ITGB5: variants seen among roughly 807,000 people sequenced by gnomAD.
ITGB5 encodes integrin beta-5.
A neutral mutation model predicts 84.8 loss-of-function variants in ITGB5; 38 were observed. The ratio of observed to expected loss-of-function variants is 0.45; its 90% CI spans 0.35 to 0.59. ITGB5 has a LOEUF of 0.59. ITGB5 is among the 20% of genes least tolerant of loss of function. The pLI is 0.01. For synonymous variants in ITGB5, 393 were observed against 414.4 expected (o/e 0.95, Z 0.63); for missense variants, 905 against 1,034.5 (o/e 0.87, Z 1.72).
intron 1 of ITGB5, among the ~76,000 whole-genome samples, chr3:124,900,012 AT>A (rs1370506972): frequency 6.6e-6 from 1 of 152,184 alleles, no homozygotes; most frequent in African/African-American, 2.4e-5. Flanking sequence ...AATAAAGGCC[AT>A]TAACCTGAGA....
chr3:124,860,788 C>A (rs988928384), intron 2 of ITGB5, among the ~76,000 whole-genome samples: 1 of 152,220 alleles, frequency 6.6e-6, no homozygotes, highest in African/African-American at 2.4e-5. Flanking sequence ...ATCCCTTGAC[C>A]ACTTTGTTAG....
chr3:124,830,705 C>T (rs918305993), intron 5 of ITGB5, among the ~76,000 whole-genome samples: 6 of 152,154 alleles, frequency 3.9e-5, no homozygotes, highest in South Asian at 2.1e-4. Context: ...CTTCCTTGGC[C>T]GGGCACGGTG....
At position 124,879,304 on chromosome 3, in the gene ITGB5, T is replaced by C. The variant is rs369163481; in HGVS notation, c.71-5773A>G. 3.3e-5 allele frequency among the ~76,000 whole-genome samples: 5 copies of C among 152,284 alleles called. No homozygotes were observed. The East Asian group carries it at 5.8e-4, about 18-fold the overall frequency. On this transcript the variant is annotated intron_variant, in intron 1 of 14. Coordinates refer to ENST00000296181, the MANE Select transcript of ITGB5 (RefSeq NM_002213.5). ...CTACTACTAAAACATACATCTGCAG[T>C]TGGAATTTCCTGATCCAAAATATTC... is the stretch of plus-strand genomic sequence containing the variant.
intron 5 of ITGB5, among the ~76,000 whole-genome samples, chr3:124,834,584 A>G (rs2064905686): frequency 1.1e-5 from 1 of 92,110 alleles, no homozygotes; most frequent in African/African-American, 4.4e-5. Context: ...GAAGGAAGGA[A>G]AGAAGGAAGG....
At chr3:124,846,183 C>T (rs1442621186) in intron 4 of ITGB5, among the ~76,000 whole-genome samples, 1 of 152,146 alleles carries the variant, frequency 6.6e-6, no homozygotes, top group African/African-American at 2.4e-5. Flanking sequence ...CCTATGCCAC[C>T]AGCACACTAA....
intron 12 of ITGB5, among the ~76,000 whole-genome samples, chr3:124,768,360 A>G (rs1191321365): frequency 2.6e-5 from 4 of 152,212 alleles, no homozygotes; most frequent in Admixed American, 6.5e-5. Context: ...CTAATTCTGA[A>G]TATTTCCATC....
At chr3:124,867,202 A>G (rs1248678893) in intron 2 of ITGB5, among the ~76,000 whole-genome samples, 2 of 151,304 alleles carry the variant, frequency 1.3e-5, no homozygotes, top group Admixed American at 6.6e-5. Flanking sequence ...CCATGCATCC[A>G]TGGCCTCACT....
At chr3:124,778,868 C>G (rs761761116) in intron 10 of ITGB5, among the ~76,000 whole-genome samples, 5 of 151,210 alleles carry the variant, frequency 3.3e-5, no homozygotes, top group Non-Finnish European at 5.9e-5. Flanking sequence ...GATGCTGAAG[C>G]CTTAAGTTCC....
At chr3:124,835,633 T>G (rs2064924462) in intron 5 of ITGB5, among the ~76,000 whole-genome samples, 1 of 152,184 alleles carries the variant, frequency 6.6e-6, no homozygotes, top group Non-Finnish European at 1.5e-5. Flanking sequence ...GCAGAACATG[T>G]GGCGGGTCCC....
intron 10 of ITGB5, among the ~76,000 whole-genome samples, chr3:124,782,759 G>C (rs1244106162): frequency 6.6e-6 from 1 of 152,130 alleles, no homozygotes; most frequent in East Asian, 1.9e-4. Context: ...TCAGAAGGCT[G>C]AGGCAGAAAA....
chr3:124,891,810 T>C (rs538575515), upstream of ITGB5, among the ~76,000 whole-genome samples: 20 of 151,808 alleles, frequency 1.3e-4, no homozygotes, highest in South Asian at 4.2e-3. Context: ...TAGTCCCAGC[T>C]ACTTGGGAGG....
intron 9 of ITGB5, among the ~76,000 whole-genome samples, chr3:124,805,497 G>A (rs905482757): frequency 2.6e-5 from 4 of 151,796 alleles, no homozygotes; most frequent in Non-Finnish European, 5.9e-5. Context: ...TGTTATCTAT[G>A]CTAGAATACA....
intron 3 of ITGB5, among the ~76,000 whole-genome samples, chr3:124,852,934 C>T (rs2065176499): frequency 6.6e-6 from 1 of 152,118 alleles, no homozygotes; most frequent in Admixed American, 6.5e-5. Flanking sequence ...GTGATCCTCC[C>T]CTTCAGCCTC....
chr3:124,796,400 C>T lies in ITGB5; in HGVS notation c.1681G>A (p.Val561Ile). The T allele has an allele frequency of 1.2e-6, 2 of 1,609,662 alleles. No homozygotes were observed. Among genetic ancestry groups the T allele is most frequent in the Non-Finnish European group, 1.7e-6 (2 of 1,177,112 alleles). The stretch of plus-strand genomic sequence containing the variant: ...TGGGGACACTTACCTGAGCAGAGGA[C>T]TCCCTTGTTCCTGGCACAGGAGAAG... ...DNFSCARNKG[V>I]LCSGHGECHC... The change falls in exon 10 of 15, where the codon GTC becomes ATC. Residue 561 changes from valine (V) to isoleucine (I), a missense_variant. Transcript: ENST00000296181.
At chr3:124,888,242 C>T (rs1054944864), upstream of ITGB5, among the ~76,000 whole-genome samples, 2 of 152,112 alleles carry the variant, frequency 1.3e-5, no homozygotes, top group African/African-American at 4.8e-5. Context: ...AACTTTTGCA[C>T]CTTTCAAGGA....
At position 124,821,437 on chromosome 3, in the gene ITGB5, A is replaced by G; in HGVS notation, c.818T>C (p.Leu273Pro). 3 of 1,614,248 alleles carry G rather than the reference A, an allele frequency of 1.9e-6. No homozygotes were observed. Among genetic ancestry groups the G allele is most frequent in the Non-Finnish European group, 2.5e-6 (3 of 1,180,038 alleles). The change falls in exon 6 of 15, where the codon CTG (leucine) becomes CCG (proline). Residue 273 changes from leucine to proline, a missense_variant. Around this residue, in one of 3 missense-constraint regions of ITGB5, gnomAD observed 656 missense variants for 734.7 expected, o/e 0.89. Transcript: ENST00000296181. ...GGGCACATCATCTGTTGTGAACACCAGCAAATGCAGTGCATCCTTTCGCCA... is the reference window on the plus strand; with the variant it reads ...GGGCACATCATCTGTTGTGAACACCGGCAAATGCAGTGCATCCTTTCGCCA... ...IGWRKDALHL[L>P]VFTTDDVPHI...
chr3:124,883,182 A>AT (rs1934656481), intron 1 of ITGB5, among the ~76,000 whole-genome samples: 1 of 152,164 alleles, frequency 6.6e-6, no homozygotes, highest in South Asian at 2.1e-4. Flanking sequence ...CACATTACTG[A>AT]TATCGTTAAA....
At chr3:124,825,196 C>CAA (rs532997344) in intron 5 of ITGB5, among the ~76,000 whole-genome samples, 9 of 79,194 alleles carry the variant, frequency 1.1e-4, no homozygotes, top group Admixed American at 1.3e-4. Context: ...GACTCCGTCT[C>CAA]AAAAAAAAAA....
chr3:124,843,576 G>A (rs966425294), intron 4 of ITGB5, among the ~76,000 whole-genome samples: 2 of 152,202 alleles, frequency 1.3e-5, no homozygotes, highest in Non-Finnish European at 2.9e-5. Flanking sequence ...CCAGAGAGAA[G>A]CCTTCATTGT....
Sources: gnomAD v4.1 joint callset for allele counts (sites outside exome capture counted in the v4.1 genomes callset) on GRCh38, gnomAD v4.1.1 for gene constraint, gnomAD v4.1.1 regional missense constraint, MANE v1.5 for transcripts, NCBI Gene and HGNC (gene_info 2026-07-23, HGNC 2026-07-21) for gene names.